Variants in SPAG16 observed in about 807,000 individuals in gnomAD.
SPAG16 encodes the protein sperm associated antigen 16.
SPAG16 carries 86 observed loss-of-function variants against 80.4 expected under a neutral mutation model. The ratio of observed to expected loss-of-function variants is 1.07; its 90% CI spans 0.90 to 1.28. The LOEUF (loss-of-function observed/expected upper bound fraction) is 1.28, where lower values mean the gene tolerates loss of function less well. Among genes scored for constraint, SPAG16 ranks in the 50% most tolerant of loss-of-function variants. The pLI is 0.00. For synonymous variants in SPAG16, 294 were observed against 265.9 expected (o/e 1.11, Z -1.03); for missense variants, 870 against 765.3 (o/e 1.14, Z -1.61).
At chr2:214,108,094 AG>A in intron 13 of SPAG16, 101 bp from the exon 14 acceptor site, 1 of 789,414 alleles carries the variant, frequency 1.3e-6, no homozygotes, top group Non-Finnish European at 2.1e-6. Context: ...TAATTCTGGG[AG>A]GAGGGGCTAA....
At chr2:213,710,655 A>T (rs1349251896) in intron 10 of SPAG16, among the ~76,000 whole-genome samples, 2 of 152,232 alleles carry the variant, frequency 1.3e-5, no homozygotes, top group African/African-American at 4.8e-5. Flanking sequence ...TTTTCCCCCA[A>T]TGTGCAAGGT....
intron 10 of SPAG16, among the ~76,000 whole-genome samples, chr2:213,574,707 A>G: frequency 6.7e-6 from 1 of 148,430 alleles, no homozygotes; most frequent in South Asian, 2.1e-4. Flanking sequence ...TATATGATAT[A>G]TGATATATAT....
chr2:213,840,118 A>C (rs893905729), intron 10 of SPAG16, among the ~76,000 whole-genome samples: 3 of 152,196 alleles, frequency 2.0e-5, no homozygotes, highest in Admixed American at 6.5e-5. Context: ...AAGTCTGGAT[A>C]ATCTTTTCAT....
chr2:213,817,295 T>C (rs2125683500), intron 10 of SPAG16, among the ~76,000 whole-genome samples: 1 of 148,426 alleles, frequency 6.7e-6, no homozygotes, highest in South Asian at 2.1e-4. Context: ...ATGGCTACTA[T>C]TAAAAAGTTA....
At chr2:213,907,174 G>A (rs558684298) in intron 11 of SPAG16, among the ~76,000 whole-genome samples, 8 of 152,018 alleles carry the variant, frequency 5.3e-5, no homozygotes, top group Non-Finnish European at 7.4e-5. Flanking sequence ...CAAAAACAAC[G>A]GCAATGACAA....
chr2:213,479,327 GTC>G (rs1429641976), intron 9 of SPAG16, among the ~76,000 whole-genome samples: 2 of 151,540 alleles, frequency 1.3e-5, no homozygotes, highest in Non-Finnish European at 2.9e-5. Context: ...TGTACTTCCA[GTC>G]TCTCTTACAC....
At chr2:213,378,838 G>T (rs2067022288) in intron 9 of SPAG16, among the ~76,000 whole-genome samples, 1 of 152,198 alleles carries the variant, frequency 6.6e-6, no homozygotes, top group Non-Finnish European at 1.5e-5. Context: ...AGACTGTGAT[G>T]TTGTAATTTC....
chr2:213,967,799 A>C (rs1006164312), intron 12 of SPAG16, among the ~76,000 whole-genome samples: 9 of 152,118 alleles, frequency 5.9e-5, no homozygotes, highest in African/African-American at 1.7e-4. Context: ...ACATTTTATG[A>C]AATGTTGAGT....
intron 14 of SPAG16, among the ~76,000 whole-genome samples, chr2:214,148,089 A>G (rs1440255681): frequency 6.6e-6 from 1 of 152,204 alleles, no homozygotes; most frequent in African/African-American, 2.4e-5. Context: ...CAAATGGGAA[A>G]CAGTATATTG....
At chr2:214,335,013 C>T (rs1305290750) in intron 15 of SPAG16, among the ~76,000 whole-genome samples, 4 of 152,096 alleles carry the variant, frequency 2.6e-5, no homozygotes, top group African/African-American at 4.8e-5. Flanking sequence ...TAGGGATGCT[C>T]GCAGGAAAAG....
rs2052684329 is a variant in SPAG16 at position 214,097,643 on chromosome 2, G to A, written c.1528-10553G>A. On this transcript the variant is annotated intron_variant, in intron 13 of 15. Coordinates refer to ENST00000331683, the MANE Select transcript of SPAG16 (RefSeq NM_024532.5). ...TAGGAAAGGACAGCTGGTGAAGGGT[G>A]CATTTACCAAACTTGCAATGTGTGT... is the stretch of plus-strand genomic sequence containing the variant. Among the ~76,000 whole-genome samples, 4 of 152,024 alleles carry A rather than the reference G, an allele frequency of 2.6e-5. No homozygotes were observed. In the South Asian group the frequency reaches 8.3e-4, roughly 32 times the overall value.
intron 15 of SPAG16, among the ~76,000 whole-genome samples, chr2:214,365,213 AT>A (rs1285475813): frequency 1.3e-5 from 2 of 152,156 alleles, no homozygotes; most frequent in Non-Finnish European, 2.9e-5. Context: ...TATGAGTTCA[AT>A]TTTGGATATA....
chr2:213,661,949 A>G (rs1247350523), intron 10 of SPAG16, among the ~76,000 whole-genome samples: 1 of 152,148 alleles, frequency 6.6e-6, no homozygotes, highest in Non-Finnish European at 1.5e-5. Flanking sequence ...CTGCTAACAG[A>G]ATGTTTATGA....
intron 3 of SPAG16, among the ~76,000 whole-genome samples, chr2:213,298,048 G>C (rs1487375291): frequency 6.6e-6 from 1 of 152,116 alleles, no homozygotes; most frequent in African/African-American, 2.4e-5. Flanking sequence ...TCCTCAGTGT[G>C]GAATTGTATG....
chr2:214,192,975 C>T (rs576897752), intron 15 of SPAG16, among the ~76,000 whole-genome samples: 1 of 152,116 alleles, frequency 6.6e-6, no homozygotes, highest in Non-Finnish European at 1.5e-5. Context: ...GGGACAGAAG[C>T]CAAGTGACGA....
intron 12 of SPAG16, among the ~76,000 whole-genome samples, chr2:213,932,908 G>A (rs1388982072): frequency 6.8e-6 from 1 of 146,406 alleles, no homozygotes; most frequent in Non-Finnish European, 1.5e-5. Flanking sequence ...GAATGATCAG[G>A]TATATAAATT....
intron 11 of SPAG16, among the ~76,000 whole-genome samples, chr2:213,870,876 A>G (rs958619759): frequency 6.6e-6 from 1 of 152,212 alleles, no homozygotes. Context: ...GGCAAGGTCT[A>G]GATCTCACCC....
intron 15 of SPAG16, among the ~76,000 whole-genome samples, chr2:214,383,433 C>T (rs1428412879): frequency 6.6e-6 from 1 of 151,850 alleles, no homozygotes; most frequent in Non-Finnish European, 1.5e-5. Flanking sequence ...ATTAGCCGGG[C>T]ATGGTGGTGC....
intron 15 of SPAG16, among the ~76,000 whole-genome samples, chr2:214,343,983 A>G (rs1697891863): frequency 1.3e-5 from 2 of 152,148 alleles, no homozygotes; most frequent in African/African-American, 4.8e-5. Context: ...TGAAGAACAA[A>G]TAGGTTTTTT....
Sources: gnomAD v4.1 joint callset for allele counts (sites outside exome capture counted in the v4.1 genomes callset) on GRCh38, gnomAD v4.1.1 for gene constraint, MANE v1.5 for transcripts, NCBI Gene and HGNC (gene_info 2026-07-23, HGNC 2026-07-21) for gene names.